Variants in ARRB1 observed in about 807,000 individuals in gnomAD.
ARRB1 encodes the protein arrestin beta 1.
ARRB1 carries 21 observed loss-of-function variants against 56.8 expected under a neutral mutation model. The observed-to-expected ratio is 0.37, with a 90% CI of 0.26 to 0.53. The LOEUF (loss-of-function observed/expected upper bound fraction) is 0.53, where lower values mean the gene tolerates loss of function less well. Ranked by LOEUF, ARRB1 falls within the 20% of genes least tolerant of loss-of-function variation. ARRB1 has a pLI of 0.88. For missense variants in ARRB1, 424 were observed against 553.7 expected (o/e 0.77, Z 2.35); for synonymous variants, 210 against 218.6 (o/e 0.96, Z 0.35).
chr11:75,272,700 C>T (rs1026158101), intron 12 of ARRB1, 195 bp downstream of exon 12: 11 of 583,552 alleles, frequency 1.9e-5, no homozygotes, highest in Admixed American at 3.0e-5. Context: ...GGCTGAGGGC[C>T]AAGGAAGGAA....
At chr11:75,308,697 A>G (rs998407351) in intron 1 of ARRB1, among the ~76,000 whole-genome samples, 1 of 151,980 alleles carries the variant, frequency 6.6e-6, no homozygotes, top group Non-Finnish European at 1.5e-5. Context: ...GTGAGCCAAG[A>G]TAGCACCACT....
chr11:75,290,401 C>T (rs988901543), intron 1 of ARRB1, among the ~76,000 whole-genome samples: 2 of 152,126 alleles, frequency 1.3e-5, no homozygotes, highest in Non-Finnish European at 2.9e-5. Context: ...TACTACTCTC[C>T]CTCACCCATC....
chr11:75,268,845 C>T, intron 14 of ARRB1, 44 bp downstream of exon 14: 1 of 1,593,824 alleles, frequency 6.3e-7, no homozygotes, highest in South Asian at 1.1e-5. Context: ...CACGTGGCAG[C>T]TGCTAGAGAA....
intron 9 of ARRB1, 142 bp from the exon 10 acceptor site, chr11:75,277,053 T>C (rs1946216431): frequency 1.3e-6 from 1 of 765,738 alleles, no homozygotes; most frequent in South Asian, 1.6e-5. Context: ...AGACCACCCC[T>C]GTCTTACATC....
intron 1 of ARRB1, among the ~76,000 whole-genome samples, chr11:75,314,373 G>GC (rs140234723): frequency 0.06 from 9,124 of 152,248 alleles, 313 homozygotes; most frequent in Middle Eastern, 0.075. Flanking sequence ...TCCCAGGGAT[G>GC]CCCCCCCTCC....
At chr11:75,269,252 G>C (rs1029088156) in intron 13 of ARRB1, 4 of 634,994 alleles carry the variant, frequency 6.3e-6, no homozygotes, top group South Asian at 4.3e-5. Context: ...GATTGCCCGG[G>C]GCAGCATGCA....
chr11:75,351,552 C>T (rs1349974683), intron 1 of ARRB1, 36 bp downstream of exon 1: 4 of 1,498,404 alleles, frequency 2.7e-6, no homozygotes, highest in Middle Eastern at 1.9e-4. Flanking sequence ...AGGTCGCCCC[C>T]ACGCGCCCCC....
At chr11:75,297,039 G>A (rs1450582475) in intron 1 of ARRB1, among the ~76,000 whole-genome samples, 1 of 152,116 alleles carries the variant, frequency 6.6e-6, no homozygotes, top group Non-Finnish European at 1.5e-5. Flanking sequence ...AGAATATTAA[G>A]CAGAGTAAGT....
intron 13 of ARRB1, among the ~76,000 whole-genome samples, chr11:75,269,591 GCTTTCT>G (rs765655212): frequency 6.6e-6 from 1 of 152,216 alleles, no homozygotes; most frequent in Non-Finnish European, 1.5e-5. Flanking sequence ...TTCTGATGGG[GCTTTCT>G]CTGTACTTGG....
chr11:75,269,088 C>T, intron 13 of ARRB1, 129 bp from the exon 14 acceptor site: 1 of 974,828 alleles, frequency 1.0e-6, no homozygotes, highest in Admixed American at 1.9e-5. Flanking sequence ...CAAAAGATGC[C>T]CTCCAGCCCC....
At chr11:75,332,257 TAAGG>T (rs1947533937) in intron 1 of ARRB1, among the ~76,000 whole-genome samples, 1 of 152,182 alleles carries the variant, frequency 6.6e-6, no homozygotes, top group Admixed American at 6.5e-5. Flanking sequence ...AATTGCGAGA[TAAGG>T]AAGAAAATCA....
In ARRB1 at chr11:75,263,166, C is replaced by T. The variant is rs1945836331; in HGVS notation, c.*2997G>A. 6.6e-6 allele frequency among the ~76,000 whole-genome samples: 1 copy of T among 152,180 alleles called. No individual in the cohort carries two copies. ...ATGGTGCCTGGGGCCTAGTGAGGCT[C>T]CCCCACCCCTAGTTTCACTTCAAGG... On this transcript the variant is annotated 3_prime_UTR_variant, in exon 16 of 16. Coordinates refer to ENST00000420843, the MANE Select transcript of ARRB1 (RefSeq NM_004041.5).
chr11:75,322,155 A>G (rs1225069446), intron 1 of ARRB1, among the ~76,000 whole-genome samples: 1 of 152,236 alleles, frequency 6.6e-6, no homozygotes, highest in Non-Finnish European at 1.5e-5. Context: ...CCGGGCTAAG[A>G]GTTGAAGAAG....
chr11:75,296,179 T>C (rs1946741862), intron 1 of ARRB1, among the ~76,000 whole-genome samples: 3 of 127,908 alleles, frequency 2.3e-5, no homozygotes, highest in Admixed American at 7.8e-5. Context: ...GAGTAAGACT[T>C]TGTCTCAAAA....
chr11:75,318,511 G>A (rs1049965385), intron 1 of ARRB1, among the ~76,000 whole-genome samples: 4 of 152,128 alleles, frequency 2.6e-5, no homozygotes, highest in African/African-American at 9.7e-5. Flanking sequence ...CCAACATGGT[G>A]AAACCCCATC....
rs1946139909 is a variant in ARRB1 at position 75,274,171 on chromosome 11, T to G, written c.817A>C (p.Thr273Pro). 1 of 1,614,042 alleles carries G rather than the reference T, an allele frequency of 6.2e-7. No homozygotes were observed. Among genetic ancestry groups the G allele is most frequent in the Non-Finnish European group, 8.5e-7 (1 of 1,180,022 alleles). The change falls in exon 11 of 16, where the codon ACA becomes CCA. Residue 273 changes from threonine to proline, a missense_variant. Thr to Pro is a conservative substitution (Grantham distance 38). Coordinates refer to ENST00000420843, the MANE Select transcript of ARRB1 (RefSeq NM_004041.5). The part of the protein sequence containing the change: ...APSSTFCKVY[T>P]LTPFLANNRE... ...TTATTGGCTAGGAAGGGGGTCAGTG[T>G]GTAGACCTTGCAGAACGTCGAGCTG...
intron 1 of ARRB1, among the ~76,000 whole-genome samples, chr11:75,302,882 G>A (rs1299698433): frequency 6.6e-6 from 1 of 152,152 alleles, no homozygotes; most frequent in Non-Finnish European, 1.5e-5. Flanking sequence ...CCTTGCGGGT[G>A]GGAGGAGATG....
chr11:75,308,732 G>A (rs1161710939), intron 1 of ARRB1, among the ~76,000 whole-genome samples: 2 of 150,536 alleles, frequency 1.3e-5, no homozygotes, highest in Non-Finnish European at 3.0e-5. Context: ...GCGACAGAGT[G>A]AGAATCCATC....
rs11428462 is a variant in ARRB1 at position 75,296,185 on chromosome 11, C to CAAAAAAA, written c.21-6153_21-6147dup. Among the ~76,000 whole-genome samples, 2 of 84,868 alleles carry CAAAAAAA rather than the reference C, an allele frequency of 2.4e-5. 1 individual carries two copies. The highest frequency in any genetic ancestry group is 9.8e-5 in the African/African-American group (2 of 20,376). The allele number at this position is 84,868 out of a possible 152,430, so 55.7% of individuals were successfully genotyped here. On this transcript the variant is annotated intron_variant, in intron 1 of 15. Coordinates refer to ENST00000420843, the MANE Select transcript of ARRB1 (RefSeq NM_004041.5). The stretch of plus-strand genomic sequence containing the variant: ...TGGGCGACAGAGTAAGACTTTGTCT[C>CAAAAAAA]AAAAAAAAAAAAAAAAAAAAAAGAG...
Sources: gnomAD v4.1 joint callset for allele counts (sites outside exome capture counted in the v4.1 genomes callset) on GRCh38, gnomAD v4.1.1 for gene constraint, MANE v1.5 for transcripts, NCBI Gene and HGNC (gene_info 2026-07-23, HGNC 2026-07-21) for gene names.